The following PIK3C2A variants were observed in gnomAD, a reference collection of about 807,000 sequenced individuals.
PIK3C2A encodes phosphatidylinositol 4-phosphate 3-kinase C2 domain-containing subunit alpha.
In PIK3C2A, 97 loss-of-function variants were observed where a neutral mutation model predicts 204.5. The observed-to-expected ratio is 0.47, with a 90% CI of 0.40 to 0.56. The LOEUF is 0.56. Among genes scored for constraint, PIK3C2A ranks in the 20% least tolerant of loss-of-function variants. The pLI, the probability that PIK3C2A is intolerant of heterozygous loss-of-function variation, is 0.00. For missense variants in PIK3C2A, 1,735 were observed against 1,969.2 expected (o/e 0.88, Z 2.25); for synonymous variants, 653 against 664.4 (o/e 0.98, Z 0.26).
intron 8 of PIK3C2A, among the ~76,000 whole-genome samples, chr11:17,141,002 A>G (rs539220100): frequency 7.9e-5 from 12 of 152,262 alleles, no homozygotes; most frequent in Admixed American, 2.6e-4. Context: ...AGGGGTCCCC[A>G]GTGGGGAACA....
At chr11:17,141,222 C>T (rs1850054085) in intron 8 of PIK3C2A, 1 of 151,894 alleles carries the variant, frequency 6.6e-6, no homozygotes, top group Admixed American at 6.6e-5. Flanking sequence ...TTTCAAAGCC[C>T]CACCTTCTGC....
At chr11:17,144,158 T>C (rs77980418) in intron 8 of PIK3C2A, among the ~76,000 whole-genome samples, 2 of 152,212 alleles carry the variant, frequency 1.3e-5, no homozygotes, top group Admixed American at 6.5e-5. Context: ...GAATTGCTTA[T>C]ACTTCCATGT....
intron 4 of PIK3C2A, 46 bp downstream of exon 4, chr11:17,150,452 C>T: frequency 6.8e-7 from 1 of 1,477,852 alleles, no homozygotes; most frequent in East Asian, 2.4e-5. Context: ...TTAAACATTT[C>T]CCCCTAACAG....
At chr11:17,114,488 G>C in intron 19 of PIK3C2A, 23 bp from the exon 20 acceptor site, 3 of 995,328 alleles carry the variant, frequency 3.0e-6, no homozygotes, top group South Asian at 1.3e-5. Flanking sequence ...ATGTGATACT[G>C]TAAGTACATA....
intron 27 of PIK3C2A, among the ~76,000 whole-genome samples, chr11:17,095,411 T>TAA (rs1225897360): frequency 1.5e-4 from 17 of 110,158 alleles, no homozygotes; most frequent in South Asian, 3.0e-4. Flanking sequence ...CTGTCTCTAC[T>TAA]AAAAAAAAAA....
intron 1 of PIK3C2A, among the ~76,000 whole-genome samples, chr11:17,206,783 A>G (rs987652095): frequency 6.6e-6 from 1 of 152,112 alleles, no homozygotes; most frequent in African/African-American, 2.4e-5. Context: ...TTCTTCTTGC[A>G]TCTCTTATAT....
chr11:17,168,409 G>A (rs183404835), intron 2 of PIK3C2A, among the ~76,000 whole-genome samples: 3 of 152,060 alleles, frequency 2.0e-5, no homozygotes, highest in African/African-American at 4.8e-5. Flanking sequence ...GTGAAACCCC[G>A]TCTCTATTAA....
At position 17,145,884 on chromosome 11, in the gene PIK3C2A, G is replaced by A. The variant is rs539840712; in HGVS notation, c.1619C>T (p.Pro540Leu). The A allele has an allele frequency of 6.2e-6, 10 of 1,613,420 alleles. No homozygotes were observed. Among genetic ancestry groups the A allele is most frequent in the African/African-American group, 4.0e-5 (3 of 74,988 alleles). Reference sequence around the variant, plus strand: ...ATACCTCGTCATGGCTTCTTTGCAAGGTTTTTCTATTTGATACAGGTGTTT... The same window carrying A: ...ATACCTCGTCATGGCTTCTTTGCAAAGTTTTTCTATTTGATACAGGTGTTT... ...LNKHLYQIEKPCKEAMTRHPV... is the reference protein window; with the variant it reads ...LNKHLYQIEKLCKEAMTRHPV... The change falls in exon 7 of 33, where the codon CCT (proline) becomes CTT (leucine). Residue 540 changes from proline (P) to leucine (L), a missense_variant. By Grantham distance (98) the Pro-to-Leu change is moderately conservative (BLOSUM62 -3). Around this residue, in one of 6 missense-constraint regions of PIK3C2A, gnomAD observed 106 missense variants for 108.2 expected, o/e 0.98. Transcript: ENST00000691414.
intron 28 of PIK3C2A, 33 bp downstream of exon 28, chr11:17,094,228 A>C: frequency 6.5e-7 from 1 of 1,534,420 alleles, no homozygotes; most frequent in Non-Finnish European, 8.9e-7. Context: ...TGTTTCCTAC[A>C]AAAAGGATTA....
At chr11:17,105,050 C>T in intron 23 of PIK3C2A, 119 bp downstream of exon 23, 2 of 723,424 alleles carry the variant, frequency 2.8e-6, no homozygotes, top group Non-Finnish European at 4.6e-6. Context: ...AAAAGATGCT[C>T]TTTTCCTGAC....
intron 8 of PIK3C2A, 108 bp from the exon 9 acceptor site, chr11:17,136,733 C>T: frequency 1.8e-6 from 1 of 570,310 alleles, no homozygotes; most frequent in Non-Finnish European, 3.0e-6. Flanking sequence ...CAGATATCCT[C>T]TACTCTTTTG....
chr11:17,148,013 T>A (rs1289333838), intron 5 of PIK3C2A, among the ~76,000 whole-genome samples: 4 of 151,370 alleles, frequency 2.6e-5, no homozygotes, highest in African/African-American at 4.9e-5. Flanking sequence ...AGGTCGAGAG[T>A]TCGAGACCAG....
chr11:17,192,972 C>T (rs1438563936), intron 1 of PIK3C2A, among the ~76,000 whole-genome samples: 2 of 152,214 alleles, frequency 1.3e-5, no homozygotes, highest in Admixed American at 6.5e-5. Flanking sequence ...CTCATGACTA[C>T]GACTGTGGGA....
chr11:17,146,125 T>A (rs548391714), intron 6 of PIK3C2A, among the ~76,000 whole-genome samples, 183 bp from the exon 7 acceptor site: 9 of 152,240 alleles, frequency 5.9e-5, no homozygotes, highest in African/African-American at 2.2e-4. Context: ...TGAGTCAACA[T>A]CCTGAAAAAA....
At chr11:17,192,872 C>T (rs572041897) in intron 1 of PIK3C2A, among the ~76,000 whole-genome samples, 1 of 152,360 alleles carries the variant, frequency 6.6e-6, no homozygotes, top group African/African-American at 2.4e-5. Flanking sequence ...TTAATGTCCC[C>T]TCCAAAACTC....
rs1274140686 is a variant in PIK3C2A at position 17,188,575 on chromosome 11, C to T, written c.-65-18769G>A. 1.4e-5 allele frequency among the ~76,000 whole-genome samples: 2 copies of T among 146,556 alleles called. 1 individual carries two copies. Among genetic ancestry groups the T allele is most frequent in the African/African-American group, 5.5e-5 (2 of 36,262 alleles). On this transcript the variant is annotated intron_variant, in intron 1 of 32. Transcript: ENST00000691414. ...AGCATGACAGATTAAAATTCTAAGGCGTGGTGGAGGTAAAGCTGAGTAGTC... is the reference window on the plus strand; with the variant it reads ...AGCATGACAGATTAAAATTCTAAGGTGTGGTGGAGGTAAAGCTGAGTAGTC...
chr11:17,173,358 A>G (rs1851238565), intron 1 of PIK3C2A, among the ~76,000 whole-genome samples: 4 of 152,176 alleles, frequency 2.6e-5, no homozygotes, highest in Admixed American at 2.6e-4. Context: ...TTCTGCTGAA[A>G]CTATTTGGAA....
chr11:17,153,555 T>C (rs1311853773), intron 3 of PIK3C2A, among the ~76,000 whole-genome samples: 1 of 152,128 alleles, frequency 6.6e-6, no homozygotes, highest in Non-Finnish European at 1.5e-5. Context: ...TAATGAAAAG[T>C]AGTCCTGAAT....
Position 17,169,283 on chromosome 11 carries a change from A to T in PIK3C2A, c.459T>A (p.Ala153=). 2 of 1,614,196 alleles carry T rather than the reference A, an allele frequency of 1.2e-6. No homozygotes were observed. The highest frequency in any genetic ancestry group is 1.7e-6 in the Non-Finnish European group (2 of 1,180,018). ...PPGLPGPSTY[A]LPSIYPSTYS... is the part of the protein sequence containing the mutation. ...AAGTAGAAGGATAAATAGAAGGTAAAGCATAAGTGGAAGGCCCAGGTAATC... is the reference window on the plus strand; with the variant it reads ...AAGTAGAAGGATAAATAGAAGGTAATGCATAAGTGGAAGGCCCAGGTAATC... The change falls in exon 2 of 33, where the codon GCT becomes GCA. Residue 153 remains alanine, a synonymous_variant. Coordinates refer to ENST00000691414, the MANE Select transcript of PIK3C2A (RefSeq NM_002645.4).
Sources: allele counts gnomAD v4.1 joint callset (sites outside exome capture counted in the v4.1 genomes callset), GRCh38; gene constraint gnomAD v4.1.1; regional missense constraint gnomAD v4.1.1; transcripts MANE v1.5; gene names NCBI Gene and HGNC (gene_info 2026-07-23, HGNC 2026-07-21).